The following ELMOD1 variants were observed in gnomAD, a reference collection of about 807,000 sequenced individuals.
ELMOD1 encodes ELMO domain-containing protein 1.
Under a neutral mutation model 46.7 loss-of-function variants are expected in ELMOD1, and 21 were observed. That is an observed-to-expected ratio of 0.45 (90% CI 0.32 to 0.65). The LOEUF is 0.65. Among genes scored for constraint, ELMOD1 ranks in the 30% least tolerant of loss-of-function variants. ELMOD1 has a pLI of 0.04. For synonymous variants in ELMOD1, 122 were observed against 138.2 expected (o/e 0.88, Z 0.82); for missense variants, 348 against 407.8 (o/e 0.85, Z 1.26).
intron 2 of ELMOD1, among the ~76,000 whole-genome samples, chr11:107,627,136 T>C (rs1278239576): frequency 6.6e-6 from 1 of 152,184 alleles, no homozygotes; most frequent in East Asian, 1.9e-4. Flanking sequence ...CAGGAAAGTA[T>C]GGTACCTAGC....
At chr11:107,662,741 A>G (rs968020972) in intron 11 of ELMOD1, among the ~76,000 whole-genome samples, 1 of 151,850 alleles carries the variant, frequency 6.6e-6, no homozygotes, top group Admixed American at 6.6e-5. Flanking sequence ...CCTGGCCAAC[A>G]TGGTGAAACC....
intron 1 of ELMOD1, among the ~76,000 whole-genome samples, chr11:107,599,101 C>T (rs1232610860): frequency 6.6e-6 from 1 of 152,026 alleles, no homozygotes; most frequent in East Asian, 1.9e-4. Flanking sequence ...GCTATGAGGA[C>T]AAGTAGGAGG....
chr11:107,655,573 C>CTTTTTTTTTTTTTTTT (rs746890763), intron 10 of ELMOD1, among the ~76,000 whole-genome samples: 40 of 112,442 alleles, frequency 3.6e-4, no homozygotes, highest in East Asian at 9.5e-4. Flanking sequence ...ATTGAAATGC[C>CTTTTTTTTTTTTTTTT]TTTTTTTTTT....
intron 1 of ELMOD1, chr11:107,592,481 T>A (rs1414670412): frequency 1.9e-6 from 1 of 532,216 alleles, no homozygotes; most frequent in Admixed American, 1.9e-5. Flanking sequence ...TAACTGGTGC[T>A]GCCAATATGG....
At chr11:107,664,418 G>A (rs1332689168) in intron 11 of ELMOD1, among the ~76,000 whole-genome samples, 1 of 152,078 alleles carries the variant, frequency 6.6e-6, no homozygotes, top group African/African-American at 2.4e-5. Context: ...CAGATCACTC[G>A]TGGATAGCAT....
intron 1 of ELMOD1, among the ~76,000 whole-genome samples, chr11:107,609,075 T>G (rs1006662755): frequency 6.6e-6 from 1 of 152,188 alleles, no homozygotes; most frequent in African/African-American, 2.4e-5. Flanking sequence ...TTTCCTCAGC[T>G]GCAAAATGGA....
intron 1 of ELMOD1, among the ~76,000 whole-genome samples, chr11:107,615,772 CA>C (rs1865851890): frequency 6.6e-6 from 1 of 151,656 alleles, no homozygotes; most frequent in Non-Finnish European, 1.5e-5. Flanking sequence ...TTAAGCTTTT[CA>C]GAGTTTTGAG....
intron 7 of ELMOD1, among the ~76,000 whole-genome samples, chr11:107,649,477 G>T (rs1866488304): frequency 2.0e-5 from 3 of 152,192 alleles, no homozygotes; most frequent in South Asian, 2.1e-4. Flanking sequence ...TCTCTATAAG[G>T]TTATTTGTCT....
intron 1 of ELMOD1, among the ~76,000 whole-genome samples, chr11:107,607,484 C>T (rs573521529): frequency 6.6e-6 from 1 of 152,176 alleles, no homozygotes; most frequent in East Asian, 1.9e-4. Context: ...TGTGAGACCC[C>T]TGTTTCTACA....
intron 6 of ELMOD1, among the ~76,000 whole-genome samples, chr11:107,644,972 G>A (rs1210950603): frequency 6.6e-6 from 1 of 150,570 alleles, no homozygotes; most frequent in Non-Finnish European, 1.5e-5. Flanking sequence ...CGCCCGGGCT[G>A]GAGTGCAGTG....
At chr11:107,650,470 A>T in intron 8 of ELMOD1, 67 bp downstream of exon 8, 1 of 1,102,538 alleles carries the variant, frequency 9.1e-7, no homozygotes, top group South Asian at 1.3e-5. Context: ...CATCTCCTAC[A>T]TGTATCTGTT....
intron 2 of ELMOD1, among the ~76,000 whole-genome samples, chr11:107,620,867 A>AC (rs1159549546): frequency 6.6e-6 from 1 of 152,240 alleles, no homozygotes; most frequent in Non-Finnish European, 1.5e-5. Flanking sequence ...CGTCTCAAAA[A>AC]CAAAAAAAAG....
chr11:107,625,473 G>C (rs1319214039), intron 2 of ELMOD1: 2 of 985,290 alleles, frequency 2.0e-6, no homozygotes, highest in Non-Finnish European at 2.4e-6. Context: ...TTCTCTTACT[G>C]TTCCAAAAGA....
At chr11:107,633,753 C>T (rs1481477514) in intron 5 of ELMOD1, among the ~76,000 whole-genome samples, 2 of 152,020 alleles carry the variant, frequency 1.3e-5, no homozygotes, top group Admixed American at 1.3e-4. Context: ...ATTGACTTTC[C>T]TTATTTCTGC....
chr11:107,650,873 G>A lies in ELMOD1; in HGVS notation c.624-12G>A, dbSNP rs1285773624. Reference sequence around the variant, plus strand: ...ATTTACTTTTCTAATTTTTTTCTTTGATTACATGAAGGGATATCACTAAAG... The same window carrying A: ...ATTTACTTTTCTAATTTTTTTCTTTAATTACATGAAGGGATATCACTAAAG... On this transcript the variant is annotated splice_polypyrimidine_tract_variant and intron_variant, in intron 8 of 11. Transcript: ENST00000265840. 1.1e-5 allele frequency: 12 copies of A among 1,087,130 alleles called. No homozygotes were observed. The highest frequency in any genetic ancestry group is 1.5e-5 in the Non-Finnish European group (12 of 798,676). 67.3% of individuals were successfully genotyped at this position (1,087,130 alleles called of 1,614,324 possible). A position where few individuals can be genotyped will look rare whatever the true frequency, so the allele number is the denominator to read the frequency against.
chr11:107,596,215 G>A (rs1232881024), intron 1 of ELMOD1, among the ~76,000 whole-genome samples: 1 of 151,974 alleles, frequency 6.6e-6, no homozygotes, highest in Non-Finnish European at 1.5e-5. Context: ...AGTAGTTGGT[G>A]AAAGGCTACC....
chr11:107,631,527 G>A, intron 4 of ELMOD1, 53 bp from the exon 5 acceptor site: 2 of 1,173,398 alleles, frequency 1.7e-6, no homozygotes, highest in South Asian at 3.1e-5. Context: ...AGTAGATACT[G>A]ATTAAGCCTC....
At chr11:107,647,860 A>C (rs910676749) in intron 7 of ELMOD1, among the ~76,000 whole-genome samples, 1 of 152,190 alleles carries the variant, frequency 6.6e-6, no homozygotes, top group African/African-American at 2.4e-5. Flanking sequence ...ATTTTCACAC[A>C]TATGTAAAAA....
chr11:107,660,903 G>T (rs1866727943), intron 11 of ELMOD1, among the ~76,000 whole-genome samples: 1 of 152,212 alleles, frequency 6.6e-6, no homozygotes, highest in South Asian at 2.1e-4. Context: ...AGCACAGGAA[G>T]TCTGCCTTTT....
Sources: gnomAD v4.1 joint callset for allele counts (sites outside exome capture counted in the v4.1 genomes callset) on GRCh38, gnomAD v4.1.1 for gene constraint, MANE v1.5 for transcripts, NCBI Gene and HGNC (gene_info 2026-07-23, HGNC 2026-07-21) for gene names.